CD96: variants seen among roughly 807,000 people sequenced by gnomAD.
CD96 encodes T-cell surface protein tactile.
CD96 carries 70 observed loss-of-function variants against 71.3 expected under a neutral mutation model. That is an observed-to-expected ratio of 0.98 (90% CI 0.81 to 1.20). CD96 has a LOEUF of 1.20. Ranked by LOEUF, CD96 falls within the 50% of genes most tolerant of loss-of-function variation. CD96 has a pLI of 0.00. For missense variants in CD96, 742 were observed against 677.5 expected (o/e 1.10, Z -1.06); for synonymous variants, 248 against 233.0 (o/e 1.06, Z -0.59).
chr3:111,584,738 C>T (rs1174186819), intron 4 of CD96, among the ~76,000 whole-genome samples: 1 of 152,184 alleles, frequency 6.6e-6, no homozygotes, highest in East Asian at 1.9e-4. Context: ...TCAATTACCT[C>T]TCGCTGGGTC....
At chr3:111,579,577 C>G (rs1249862913) in intron 4 of CD96, 1 of 339,140 alleles carries the variant, frequency 2.9e-6, no homozygotes, top group Non-Finnish European at 5.8e-6. Flanking sequence ...GTCGAGGGGA[C>G]GCATCTGGTA....
At position 111,649,998 on chromosome 3, in the gene CD96, T is replaced by C; in HGVS notation, c.*192T>C. The stretch of plus-strand genomic sequence containing the variant: ...CAAACGCCTGAAGCTTAACCAAGAG[T>C]GAGAGGATATGTCATGTTCACACTC... On this transcript the variant is annotated 3_prime_UTR_variant, in exon 14 of 14. Coordinates refer to ENST00000352690, the MANE Select transcript of CD96 (RefSeq NM_005816.5). 1.6e-6 allele frequency: 1 copy of C among 625,404 alleles called. No homozygotes were observed. Among genetic ancestry groups the C allele is most frequent in the East Asian group, 2.9e-5 (1 of 34,830 alleles). 38.7% of individuals were successfully genotyped at this position (625,404 alleles called of 1,614,324 possible).
intron 5 of CD96, among the ~76,000 whole-genome samples, chr3:111,588,468 C>T (rs566307599): frequency 6.6e-6 from 1 of 152,316 alleles, no homozygotes; most frequent in East Asian, 1.9e-4. Flanking sequence ...CCCATATTTT[C>T]CTGTCTTCTT....
rs145167054 is a variant in CD96, at chr3:111,663,557, T to C, written c.*53-1970T>C. 7.5e-3 allele frequency among the ~76,000 whole-genome samples: 1,136 copies of C among 152,214 alleles called. 16 individuals carry two copies. Among genetic ancestry groups the C allele is most frequent in the African/African-American group, 0.026 (1,091 of 41,532 alleles). ...TCCTTTTAAAAAAATGGACAAAGGA[T>C]ATGAACAGACATTTCTCAAAAGAAG... On this transcript the variant is annotated intron_variant and NMD_transcript_variant, in intron 14 of 14. Coordinates refer to the CD96 transcript ENST00000494798.
At chr3:111,631,106 C>T (rs972276760) in intron 10 of CD96, among the ~76,000 whole-genome samples, 5 of 152,190 alleles carry the variant, frequency 3.3e-5, no homozygotes, top group African/African-American at 9.7e-5. Context: ...TGCCCTCTCT[C>T]AGCGTTTCTA....
At chr3:111,610,420 G>T (rs1016672249) in intron 8 of CD96, among the ~76,000 whole-genome samples, 1 of 152,164 alleles carries the variant, frequency 6.6e-6, no homozygotes, top group Admixed American at 6.5e-5. Context: ...GTTTCATTCC[G>T]AATTCTAAGA....
intron 3 of CD96, chr3:111,570,645 A>G (rs375076961): frequency 4.4e-6 from 7 of 1,605,690 alleles, no homozygotes; most frequent in Admixed American, 1.7e-5. Flanking sequence ...TCACACGTAC[A>G]TGGCCCGGGA....
intron 4 of CD96, among the ~76,000 whole-genome samples, chr3:111,582,277 G>A (rs955054748): frequency 5.3e-5 from 8 of 152,198 alleles, no homozygotes; most frequent in South Asian, 2.1e-4. Flanking sequence ...TGGAGGTTTA[G>A]CATTCTTTCC....
chr3:111,549,598 A>C (rs1172318956), intron 2 of CD96, among the ~76,000 whole-genome samples: 2 of 152,202 alleles, frequency 1.3e-5, no homozygotes, highest in East Asian at 3.8e-4. Flanking sequence ...ACCATTAAGT[A>C]CAGTGGCAAT....
intron 5 of CD96, among the ~76,000 whole-genome samples, chr3:111,592,016 G>A (rs567521944): frequency 2.6e-5 from 4 of 152,290 alleles, no homozygotes; most frequent in African/African-American, 9.6e-5. Context: ...AAGTACTTGG[G>A]CTATCTCTGA....
intron 14 of CD96, among the ~76,000 whole-genome samples, chr3:111,660,706 AT>A (rs1443600966): frequency 6.6e-6 from 1 of 152,240 alleles, no homozygotes; most frequent in African/African-American, 2.4e-5. Context: ...AAATTCATAA[AT>A]AAGGCCATAC....
At chr3:111,661,838 A>T (rs1222985535) in intron 14 of CD96, among the ~76,000 whole-genome samples, 1 of 152,164 alleles carries the variant, frequency 6.6e-6, no homozygotes, top group Admixed American at 6.5e-5. Flanking sequence ...TTGTCAGTGG[A>T]TCTACCATTC....
rs1272089672 is a variant in CD96, at chr3:111,567,666, A to G, written c.543+19A>G. The stretch of plus-strand genomic sequence containing the variant: ...GTCGGTGGTAAGTGTTGCCCTTTTC[A>G]GTGAATAACCTCAATGGTCTTTAAA... On this transcript the variant is annotated intron_variant, in intron 3 of 13. Coordinates refer to ENST00000352690, the MANE Select transcript of CD96 (RefSeq NM_005816.5). The G allele has an allele frequency of 5.6e-6, 9 of 1,606,730 alleles. No homozygotes were observed. Among genetic ancestry groups the G allele is most frequent in the East Asian group, 2.2e-5 (1 of 44,836 alleles).
intron 8 of CD96, among the ~76,000 whole-genome samples, chr3:111,608,675 C>G (rs1211229422): frequency 6.6e-6 from 1 of 152,154 alleles, no homozygotes; most frequent in Admixed American, 6.5e-5. Context: ...TCCAGTTGGT[C>G]TAAACATATC....
intron 2 of CD96, among the ~76,000 whole-genome samples, chr3:111,554,144 A>G (rs1280773643): frequency 6.6e-6 from 1 of 152,060 alleles, no homozygotes; most frequent in Non-Finnish European, 1.5e-5. Context: ...TGCAAAATAA[A>G]AACACCTAAA....
At chr3:111,544,979 G>A (rs1513325) in intron 1 of CD96, 67 bp from the exon 2 acceptor site, 154,692 of 1,351,346 alleles carry the variant, frequency 0.11, 9,800 homozygotes, top group Non-Finnish European at 0.12. Flanking sequence ...GAAGTGACTA[G>A]GGTTTTTAAT....
intron 10 of CD96, chr3:111,634,152 A>G (rs1939211872): frequency 1.3e-5 from 2 of 152,748 alleles, no homozygotes; most frequent in Admixed American, 6.5e-5. Context: ...ATGATTGACA[A>G]CTATAAACTT....
chr3:111,546,995 A>G (rs2107466090), intron 2 of CD96, among the ~76,000 whole-genome samples: 1 of 151,586 alleles, frequency 6.6e-6, no homozygotes, highest in East Asian at 1.9e-4. Context: ...GTAAAGAGAA[A>G]TGGAAGACCT....
At chr3:111,593,390 T>A in intron 5 of CD96, 1 of 939,436 alleles carries the variant, frequency 1.1e-6, no homozygotes. Flanking sequence ...ATTTGGTCAA[T>A]TCAGACCTGC....
Sources: allele counts gnomAD v4.1 joint callset (sites outside exome capture counted in the v4.1 genomes callset), GRCh38; gene constraint gnomAD v4.1.1; transcripts MANE v1.5; gene names NCBI Gene and HGNC (gene_info 2026-07-23, HGNC 2026-07-21).